Variants in REL observed in about 807,000 individuals in gnomAD.
REL encodes the protein proto-oncogene c-Rel.
In REL, 15 loss-of-function variants were observed where a neutral mutation model predicts 45.9. The ratio of observed to expected loss-of-function variants is 0.33; its 90% CI spans 0.22 to 0.50. The LOEUF (loss-of-function observed/expected upper bound fraction) is 0.50. Ranked by LOEUF, REL falls within the 20% of genes least tolerant of loss-of-function variation. REL has a pLI of 0.98. For missense variants in REL, 601 were observed against 715.2 expected (o/e 0.84, Z 1.82); for synonymous variants, 239 against 242.1 (o/e 0.99, Z 0.12).
chr2:60,909,699 C>G (rs1673757996), intron 4 of REL, among the ~76,000 whole-genome samples: 1 of 151,990 alleles, frequency 6.6e-6, no homozygotes, highest in South Asian at 2.1e-4. Context: ...TCAAGAGATA[C>G]AGACCATCCT....
rs1199625043 is a variant in REL, at chr2:60,929,361, C to T, written c.*6826C>T. On this transcript the variant is annotated 3_prime_UTR_variant, in exon 10 of 10. Transcript: ENST00000394479. ...ACTATAAATCATGCTGCTATAAAGACACATGCACACGTATGTTTATTGCGG... is the reference window on the plus strand; with the variant it reads ...ACTATAAATCATGCTGCTATAAAGATACATGCACACGTATGTTTATTGCGG... 33 of 137,568 alleles carry T rather than the reference C, an allele frequency of 2.4e-4. 1 individual carries two copies. Among genetic ancestry groups the T allele is most frequent in the Non-Finnish European group, 4.7e-4 (30 of 63,230 alleles). 8.5% of individuals were successfully genotyped at this position (137,568 alleles called of 1,614,324 possible).
chr2:60,892,383 ATGACTT>A (rs1310625607), intron 2 of REL, among the ~76,000 whole-genome samples: 2 of 152,240 alleles, frequency 1.3e-5, no homozygotes, highest in Non-Finnish European at 2.9e-5. Context: ...TTGACCAAAA[ATGACTT>A]TGGTAAACAT....
intron 4 of REL, among the ~76,000 whole-genome samples, chr2:60,906,946 T>G: frequency 6.9e-6 from 1 of 144,876 alleles, no homozygotes; most frequent in African/African-American, 2.6e-5. Flanking sequence ...CGAGACAGAG[T>G]TTCGCTCTTG....
Position 60,925,387 on chromosome 2 carries a change from AAAAAAAAAG to A in REL, c.*2856_*2864del, listed in dbSNP as rs1429889126. ...CTTGGGCTCAGGATGGTTCAGGAAG[AAAAAAAAAG>A]AAAGACCCCTGAGTACCATTAATAT... On this transcript the variant is annotated 3_prime_UTR_variant, in exon 10 of 10. Coordinates refer to ENST00000394479, the MANE Select transcript of REL (RefSeq NM_001291746.2). The A allele has an allele frequency of 1.6e-5, 3 of 188,098 alleles. No individual in the cohort carries two copies. The highest frequency in any genetic ancestry group is 4.7e-5 in the African/African-American group (2 of 42,674). The allele number at this position is 188,098 out of a possible 1,614,324, so 11.7% of individuals were successfully genotyped here. A position where few individuals can be genotyped will look rare whatever the true frequency, so the allele number is the denominator to read the frequency against.
intron 5 of REL, among the ~76,000 whole-genome samples, chr2:60,917,974 G>C (rs1293199849): frequency 6.6e-6 from 1 of 152,062 alleles, no homozygotes; most frequent in African/African-American, 2.4e-5. Context: ...TGTAATTAGA[G>C]AATATGTCAT....
chr2:60,918,851 C>G (rs1447896756), intron 7 of REL, among the ~76,000 whole-genome samples: 1 of 152,006 alleles, frequency 6.6e-6, no homozygotes. Context: ...AGTGCAGTGG[C>G]GCAATCTTAG....
chr2:60,920,302 A>G (rs1460400766), intron 8 of REL, 193 bp downstream of exon 8: 4 of 615,870 alleles, frequency 6.5e-6, no homozygotes, highest in East Asian at 2.8e-5. Context: ...CCCAGGTTCA[A>G]CAATTCTCCT....
At chr2:60,900,915 G>C (rs914281913) in intron 3 of REL, 77 bp from the exon 4 acceptor site, 72 of 1,197,254 alleles carry the variant, frequency 6.0e-5, no homozygotes, top group Non-Finnish European at 8.2e-5. Context: ...GATAACTTCA[G>C]TATTGCTATA....
chr2:60,881,816 G>A lies in REL; in HGVS notation c.-25G>A. 1 of 1,525,944 alleles carries A rather than the reference G, an allele frequency of 6.6e-7. No homozygotes were observed. The allele number at this position is 1,525,944 out of a possible 1,614,324, so 94.5% of individuals were successfully genotyped here. Reference sequence around the variant, plus strand: ...CCGGCCAGGACGCTGGGAGCTGCCTGCGGGAAGGTGCGGGGAGCGGAGCCA... The same window carrying A: ...CCGGCCAGGACGCTGGGAGCTGCCTACGGGAAGGTGCGGGGAGCGGAGCCA... On this transcript the variant is annotated 5_prime_UTR_variant, in exon 1 of 10. Coordinates refer to ENST00000394479, the MANE Select transcript of REL (RefSeq NM_001291746.2).
rs1266523257 is a variant in REL at position 60,927,185 on chromosome 2, G to C, written c.*4650G>C. Reference sequence around the variant, plus strand: ...CAGCATAGTCCCTAGTATACTAGTTGGTGCTGAATAAATAGTAGCTATTAT... The same window carrying C: ...CAGCATAGTCCCTAGTATACTAGTTCGTGCTGAATAAATAGTAGCTATTAT... On this transcript the variant is annotated 3_prime_UTR_variant, in exon 10 of 10. Coordinates refer to ENST00000394479, the MANE Select transcript of REL (RefSeq NM_001291746.2). 8.8e-6 allele frequency: 2 copies of C among 226,476 alleles called. No homozygotes were observed. The highest frequency in any genetic ancestry group is 1.8e-5 in the Non-Finnish European group (2 of 114,018). 14.0% of individuals were successfully genotyped at this position (226,476 alleles called of 1,614,324 possible).
intron 4 of REL, 98 bp from the exon 5 acceptor site, chr2:60,916,779 A>G: frequency 1.4e-6 from 1 of 702,246 alleles, no homozygotes; most frequent in Admixed American, 2.9e-5. Context: ...TTTGGATGCT[A>G]TTCAAGGTTA....
chr2:60,915,313 C>G (rs1373316401), intron 4 of REL, among the ~76,000 whole-genome samples: 2 of 152,174 alleles, frequency 1.3e-5, no homozygotes, highest in Non-Finnish European at 1.5e-5. Context: ...ATCTTGAATG[C>G]TACATTTATA....
At chr2:60,921,723 G>T in intron 9 of REL, 40 bp from the exon 10 acceptor site, 1 of 1,523,440 alleles carries the variant, frequency 6.6e-7, no homozygotes, top group African/African-American at 1.4e-5. Context: ...TTATAATTTT[G>T]TTCATTTTAA....
At chr2:60,900,722 C>A in intron 3 of REL, 1 of 322,798 alleles carries the variant, frequency 3.1e-6, no homozygotes, top group Non-Finnish European at 5.7e-6. Context: ...GGGGTTTCTC[C>A]ATGTTGATCA....
chr2:60,899,602 T>C (rs570500642), intron 3 of REL: 4 of 152,462 alleles, frequency 2.6e-5, no homozygotes, highest in African/African-American at 7.2e-5. Context: ...TAAGACAGCA[T>C]GAGTATGGAG....
Position 60,922,472 on chromosome 2 carries a change from T to G in REL, c.1701T>G (p.Gly567=). The change falls in exon 10 of 10, where the codon GGT becomes GGG. Residue 567 remains glycine, a synonymous_variant. Transcript: ENST00000394479. ...TTGTTCAAGATAGTCAGTATTCAGG[T>G]ATTGGCAGTATGCAAAATGAGCAAT... ...HGFVQDSQYS[G]IGSMQNEQLS... The G allele has an allele frequency of 6.2e-7, 1 of 1,612,998 alleles. No homozygotes were observed. The highest frequency in any genetic ancestry group is 1.1e-5 in the South Asian group (1 of 90,726).
chr2:60,918,115 C>T, intron 5 of REL, 76 bp from the exon 6 acceptor site: 1 of 850,490 alleles, frequency 1.2e-6, no homozygotes, highest in Non-Finnish European at 1.9e-6. Flanking sequence ...TGCTTTTCCT[C>T]AAATTCTTCC....
rs200357067 is a variant in REL at position 60,891,798 on chromosome 2, C to T, written c.126C>T (p.Asp42=). The T allele has an allele frequency of 1.9e-6, 3 of 1,613,860 alleles. No homozygotes were observed. Among genetic ancestry groups the T allele is most frequent in the African/African-American group, 2.7e-5 (2 of 75,034 alleles). Residue 42 remains aspartate (D), a synonymous_variant, in exon 2 of 10, where the codon GAC becomes GAT. Transcript: ENST00000394479. ...GCATTCCAGGGGAGCACAGCACAGACAACAACCGAACATACCCTTCTATCC... is the reference window on the plus strand; with the variant it reads ...GCATTCCAGGGGAGCACAGCACAGATAACAACCGAACATACCCTTCTATCC... ...AGSIPGEHST[D]NNRTYPSIQI... is the part of the protein sequence containing the mutation.
At chr2:60,900,799 A>C (rs1350891602) in intron 3 of REL, 193 bp from the exon 4 acceptor site, 1 of 505,156 alleles carries the variant, frequency 2.0e-6, no homozygotes, top group Non-Finnish European at 3.4e-6. Context: ...CTGGGATTAC[A>C]GGCACAAGCC....
Sources: allele counts gnomAD v4.1 joint callset (sites outside exome capture counted in the v4.1 genomes callset), GRCh38; gene constraint gnomAD v4.1.1; transcripts MANE v1.5; gene names NCBI Gene and HGNC (gene_info 2026-07-23, HGNC 2026-07-21).